The following MDGA2 variants were observed in gnomAD, a reference collection of about 807,000 sequenced individuals.
MDGA2 encodes MAM domain containing glycosylphosphatidylinositol anchor 2.
In MDGA2, 40 loss-of-function variants were observed where a neutral mutation model predicts 117.8. The observed-to-expected ratio is 0.34, with a 90% CI of 0.26 to 0.44. The LOEUF is 0.44. Ranked by LOEUF, MDGA2 falls within the 20% of genes least tolerant of loss-of-function variation. The pLI, the probability that MDGA2 is intolerant of heterozygous loss-of-function variation, is 1.00. For synonymous variants in MDGA2, 452 were observed against 439.0 expected, an observed-to-expected ratio of 1.03 and a Z score of -0.37; for missense variants, 1,123 against 1,250.6, an observed-to-expected ratio of 0.90 and a Z score of 1.54.
intron 1 of MDGA2, among the ~76,000 whole-genome samples, chr14:47,477,088 G>C (rs1191456390): frequency 6.6e-6 from 1 of 152,210 alleles, no homozygotes; most frequent in Non-Finnish European, 1.5e-5. Context: ...CTTGAACCCA[G>C]GAGGTGAAGG....
At chr14:47,603,310 G>C (rs1310385044) in intron 1 of MDGA2, among the ~76,000 whole-genome samples, 1 of 152,094 alleles carries the variant, frequency 6.6e-6, no homozygotes, top group Non-Finnish European at 1.5e-5. Flanking sequence ...TCATTTGAAT[G>C]CTTTATTACA....
At chr14:46,941,058 G>A (rs994948722) in intron 9 of MDGA2, among the ~76,000 whole-genome samples, 1 of 152,184 alleles carries the variant, frequency 6.6e-6, no homozygotes, top group African/African-American at 2.4e-5. Flanking sequence ...TAAAAGTTTT[G>A]AATTTGAATC....
intron 3 of MDGA2, among the ~76,000 whole-genome samples, chr14:47,189,339 T>C (rs1421597729): frequency 1.3e-5 from 2 of 152,178 alleles, no homozygotes; most frequent in Non-Finnish European, 2.9e-5. Flanking sequence ...AGCCATCATG[T>C]TGCTCTTTTG....
intron 2 of MDGA2, among the ~76,000 whole-genome samples, chr14:47,261,233 C>G (rs900329871): frequency 6.6e-6 from 1 of 152,010 alleles, no homozygotes; most frequent in Non-Finnish European, 1.5e-5. Context: ...AAATTCAAGC[C>G]TTCAGATTTA....
intron 9 of MDGA2, among the ~76,000 whole-genome samples, chr14:46,955,930 C>T (rs1005475949): frequency 8.6e-5 from 13 of 152,024 alleles, no homozygotes; most frequent in African/African-American, 2.9e-4. Context: ...GACTCTCTTA[C>T]GTTAGATTCA....
At chr14:46,853,488 GA>G (rs1881143544) in intron 15 of MDGA2, among the ~76,000 whole-genome samples, 1 of 151,730 alleles carries the variant, frequency 6.6e-6, no homozygotes, top group Admixed American at 6.6e-5. Flanking sequence ...AAATACGAAT[GA>G]TAAGGAAAAT....
intron 1 of MDGA2, among the ~76,000 whole-genome samples, chr14:47,384,158 C>A (rs188036796): frequency 6.6e-6 from 1 of 151,702 alleles, no homozygotes; most frequent in Non-Finnish European, 1.5e-5. Flanking sequence ...TAAAATAGAA[C>A]CTGATAATCA....
intron 1 of MDGA2, chr14:47,306,123 A>T (rs1161246448): frequency 6.6e-6 from 1 of 152,246 alleles, no homozygotes; most frequent in Non-Finnish European, 1.5e-5. Context: ...TCTCAGACAT[A>T]GGAGAGACAC....
intron 1 of MDGA2, among the ~76,000 whole-genome samples, chr14:47,518,051 T>C (rs1347656709): frequency 6.6e-6 from 1 of 152,090 alleles, no homozygotes; most frequent in Non-Finnish European, 1.5e-5. Context: ...AAGAGATTTT[T>C]ATATTGTAGG....
intron 9 of MDGA2, among the ~76,000 whole-genome samples, chr14:46,929,162 T>C (rs1357651359): frequency 6.6e-6 from 1 of 152,148 alleles, no homozygotes; most frequent in African/African-American, 2.4e-5. Context: ...ATCTAAAAAG[T>C]GTCTTTCTTA....
chr14:47,030,000 G>A lies in MDGA2; in HGVS notation c.1819+5011C>T, dbSNP rs145276532. On this transcript the variant is annotated intron_variant, in intron 8 of 16. Coordinates refer to ENST00000399232, the MANE Select transcript of MDGA2 (RefSeq NM_001113498.3). ...ACACCACCACAGCCAGCTAATTTTT[G>A]TATTTTTAATAGAGTTGGGGTTTCA... is the stretch of plus-strand genomic sequence containing the variant. Among the ~76,000 whole-genome samples the A allele has an allele frequency of 9.6e-3, 1,453 of 151,692 alleles. 25 individuals are homozygous for A. The highest frequency in any genetic ancestry group is 0.033 in the African/African-American group (1,386 of 41,414).
intron 5 of MDGA2, among the ~76,000 whole-genome samples, chr14:47,119,982 T>C (rs1881563343): frequency 6.6e-6 from 1 of 152,220 alleles, no homozygotes; most frequent in African/African-American, 2.4e-5. Flanking sequence ...AAATTACCTC[T>C]ATTTGGTCAT....
chr14:47,343,441 C>T (rs1174791301), intron 1 of MDGA2, among the ~76,000 whole-genome samples: 5 of 152,114 alleles, frequency 3.3e-5, no homozygotes, highest in Non-Finnish European at 7.3e-5. Flanking sequence ...CTACATTTCA[C>T]TTATCAGTCT....
chr14:47,542,020 A>C (rs1294218096), intron 1 of MDGA2, among the ~76,000 whole-genome samples: 1 of 152,222 alleles, frequency 6.6e-6, no homozygotes, highest in African/African-American at 2.4e-5. Flanking sequence ...ACTTCGTCTA[A>C]CACAAAAGGG....
chr14:47,340,784 C>A (rs1390010005), intron 1 of MDGA2, among the ~76,000 whole-genome samples: 1 of 152,058 alleles, frequency 6.6e-6, no homozygotes, highest in Non-Finnish European at 1.5e-5. Flanking sequence ...ATTCTCAGAC[C>A]AGGCAATCAC....
intron 1 of MDGA2, among the ~76,000 whole-genome samples, chr14:47,523,321 A>G (rs966877877): frequency 6.6e-6 from 1 of 152,242 alleles, no homozygotes; most frequent in Non-Finnish European, 1.5e-5. Flanking sequence ...ATACATTAGA[A>G]GTTCAACACA....
intron 6 of MDGA2, among the ~76,000 whole-genome samples, chr14:47,094,338 T>C (rs1351141057): frequency 6.6e-6 from 1 of 152,002 alleles, no homozygotes; most frequent in Non-Finnish European, 1.5e-5. Context: ...TTATTTCAGG[T>C]CTTTCATGTC....
intron 2 of MDGA2, chr14:47,299,560 T>G (rs1290611118): frequency 6.6e-6 from 1 of 152,222 alleles, no homozygotes; most frequent in Non-Finnish European, 1.5e-5. Context: ...AAAAATATAA[T>G]CAAATTATAA....
intron 3 of MDGA2, among the ~76,000 whole-genome samples, chr14:47,157,494 T>C (rs1594677237): frequency 1.3e-5 from 2 of 152,300 alleles, no homozygotes; most frequent in East Asian, 3.9e-4. Context: ...CTGGAAAAAC[T>C]GTCCCAGGAT....
Sources: gnomAD v4.1 joint callset for allele counts (sites outside exome capture counted in the v4.1 genomes callset) on GRCh38, gnomAD v4.1.1 for gene constraint, MANE v1.5 for transcripts, NCBI Gene and HGNC (gene_info 2026-07-23, HGNC 2026-07-21) for gene names.